DEAF1: variants seen among roughly 807,000 people sequenced by gnomAD.
DEAF1 encodes DEAF1 transcription factor.
A neutral mutation model predicts 58.9 loss-of-function variants in DEAF1; 53 were observed. The observed-to-expected ratio is 0.90, with a 90% confidence interval of 0.72 to 1.13. The LOEUF (loss-of-function observed/expected upper bound fraction) is 1.13, where lower values mean the gene tolerates loss of function less well. Ranked by LOEUF, DEAF1 falls within the 50% of genes most tolerant of loss-of-function variation. The pLI is 0.00. For synonymous variants in DEAF1, 385 were observed against 340.4 expected (o/e 1.13, Z -1.44); for missense variants, 685 against 791.4 (o/e 0.87, Z 1.61).
intron 10 of DEAF1, among the ~76,000 whole-genome samples, chr11:657,631 CCT>C (rs1385605283): frequency 6.6e-6 from 1 of 152,200 alleles, no homozygotes; most frequent in African/African-American, 2.4e-5. Flanking sequence ...CCTACAGACA[CCT>C]GACTCTGGTG....
At chr11:701,522 T>C (rs1861478260) in intron 1 of DEAF1, among the ~76,000 whole-genome samples, 1 of 150,610 alleles carries the variant, frequency 6.6e-6, no homozygotes, top group Non-Finnish European at 1.5e-5. Flanking sequence ...GCCAGTCTCC[T>C]GTCTCAGCCT....
At chr11:680,852 G>A (rs949724115) in intron 7 of DEAF1, 111 bp downstream of exon 7, 29 of 1,494,586 alleles carry the variant, frequency 1.9e-5, no homozygotes, top group African/African-American at 1.4e-4. Flanking sequence ...CTCTGGCCAC[G>A]CAATGTGCTT....
At position 694,815 on chromosome 11, in the gene DEAF1, A is replaced by G; in HGVS notation, c.233T>C (p.Met78Thr). The stretch of plus-strand genomic sequence containing the variant: ...GGGGCCGGGCAGGGCCTCGGCGCCC[A>G]TGTCCATGTGCCCGGGCTCCGCCGC... ...VMAAEPGHMDMGAEALPGPDE... is the reference protein window; with the variant it reads ...VMAAEPGHMDTGAEALPGPDE... Residue 78 changes from methionine to threonine, a missense_variant, in exon 1 of 12, where the codon ATG becomes ACG. Met to Thr is a moderately conservative substitution (Grantham distance 81, BLOSUM62 -1). Transcript: ENST00000382409. 7.0e-7 allele frequency: 1 copy of G among 1,437,292 alleles called. No homozygotes were observed. The highest frequency in any genetic ancestry group is 9.1e-7 in the Non-Finnish European group (1 of 1,097,560). 89.0% of individuals were successfully genotyped at this position (1,437,292 alleles called of 1,614,324 possible). A position where few individuals can be genotyped will look rare whatever the true frequency, so the allele number is the denominator to read the frequency against.
intron 10 of DEAF1, among the ~76,000 whole-genome samples, chr11:657,552 C>G (rs72844739): frequency 0.089 from 13,529 of 152,242 alleles, 818 homozygotes; most frequent in South Asian, 0.18. Flanking sequence ...GAGAAGCCCC[C>G]CCACGGCCGT....
chr11:670,330 A>AT (rs1246563248), intron 10 of DEAF1, among the ~76,000 whole-genome samples: 5 of 151,092 alleles, frequency 3.3e-5, no homozygotes, highest in African/African-American at 7.3e-5. Flanking sequence ...AGGGTTATAG[A>AT]TTTTTTTGCC....
At chr11:658,692 C>T (rs1013534386) in intron 10 of DEAF1, among the ~76,000 whole-genome samples, 2 of 152,266 alleles carry the variant, frequency 1.3e-5, no homozygotes, top group African/African-American at 2.4e-5. Flanking sequence ...CGCAGGCGGG[C>T]AGAGGAGGAG....
chr11:677,126 C>CT (rs557272383), intron 9 of DEAF1, among the ~76,000 whole-genome samples: 20,899 of 145,846 alleles, frequency 0.14, 1,906 homozygotes, highest in Non-Finnish European at 0.22. Context: ...CCACCCCACA[C>CT]TTTTTTTTTT....
chr11:695,111 C>T lies in DEAF1; in HGVS notation c.-64G>A. On this transcript the variant is annotated 5_prime_UTR_variant, in exon 1 of 12. Coordinates refer to ENST00000382409, the MANE Select transcript of DEAF1 (RefSeq NM_021008.4). ...ACCGCCCGAAGCGCCGGTCGCGGAG[C>T]CCGAAGCGGGGCCCGAAGAGGACGC... 7.3e-7 allele frequency: 1 copy of T among 1,369,968 alleles called. No individual in the cohort carries two copies. Among genetic ancestry groups the T allele is most frequent in the Non-Finnish European group, 9.5e-7 (1 of 1,057,838 alleles). 84.9% of individuals were successfully genotyped at this position (1,369,968 alleles called of 1,614,324 possible).
At chr11:670,157 C>T (rs1859747662) in intron 10 of DEAF1, among the ~76,000 whole-genome samples, 1 of 151,670 alleles carries the variant, frequency 6.6e-6, no homozygotes, top group Non-Finnish European at 1.5e-5. Flanking sequence ...GGTGCTTCTG[C>T]AGGGATTGAA....
chr11:704,259 C>T, intron 1 of DEAF1: 1 of 744,188 alleles, frequency 1.3e-6, no homozygotes, highest in South Asian at 1.8e-5. Flanking sequence ...CGGGCGCCTT[C>T]CGCTCGGTGG....
chr11:688,536 C>T lies in DEAF1; in HGVS notation c.388-76G>A, dbSNP rs1860693789. 1.9e-6 allele frequency: 3 copies of T among 1,586,634 alleles called. No individual in the cohort carries two copies. The highest frequency in any genetic ancestry group is 8.6e-7 in the Non-Finnish European group (1 of 1,161,396). On this transcript the variant is annotated intron_variant, in intron 2 of 11. Coordinates refer to ENST00000382409, the MANE Select transcript of DEAF1 (RefSeq NM_021008.4). This position sits in a 1 kb window ranked among gnomAD's most constrained non-coding sequence, Gnocchi z 4.3. The stretch of plus-strand genomic sequence containing the variant: ...GTGTCACTGAGCCCAGCTGGGCCGT[C>T]CTCCAGCAGGGCTCTCTGGCTGTTC...
chr11:705,229 A>C (rs1590042000), intron 1 of DEAF1: 1 of 160,676 alleles, frequency 6.2e-6, no homozygotes, highest in Admixed American at 5.7e-5. Flanking sequence ...TCCCACCCCT[A>C]CCCAGGACCG....
chr11:693,981 C>G (rs1317112457), intron 1 of DEAF1, among the ~76,000 whole-genome samples: 1 of 152,222 alleles, frequency 6.6e-6, no homozygotes, highest in East Asian at 1.9e-4. Flanking sequence ...TGGGCCACCA[C>G]ACAGCCACGC....
intron 10 of DEAF1, among the ~76,000 whole-genome samples, chr11:659,885 G>A (rs1318186106): frequency 2.0e-5 from 3 of 152,212 alleles, no homozygotes; most frequent in Non-Finnish European, 4.4e-5. Flanking sequence ...CTGAAGCCGT[G>A]AACCGGAAGC....
upstream of DEAF1, among the ~76,000 whole-genome samples, chr11:696,018 G>A (rs1213444429): frequency 6.6e-6 from 1 of 151,860 alleles, no homozygotes; most frequent in Non-Finnish European, 1.5e-5. Flanking sequence ...CCTGGCCTGG[G>A]TGGCGGGCGT....
chr11:665,576 G>A (rs1025866398), intron 10 of DEAF1, among the ~76,000 whole-genome samples: 3 of 152,102 alleles, frequency 2.0e-5, no homozygotes, highest in African/African-American at 4.8e-5. Flanking sequence ...AAGGATAAAG[G>A]GATTTCATGC....
chr11:664,117 G>A (rs1034449172), intron 10 of DEAF1, among the ~76,000 whole-genome samples: 2 of 152,070 alleles, frequency 1.3e-5, no homozygotes, highest in Non-Finnish European at 2.9e-5. Flanking sequence ...GGAGGCTGAG[G>A]CAGAAGAATC....
chr11:685,344 G>A (rs565755543), intron 5 of DEAF1, among the ~76,000 whole-genome samples: 12 of 151,872 alleles, frequency 7.9e-5, no homozygotes, highest in South Asian at 2.1e-4. Context: ...TCGGCCTCCC[G>A]AAGTGCTGGG....
intron 11 of DEAF1, among the ~76,000 whole-genome samples, chr11:652,665 G>A (rs557352279): frequency 6.6e-6 from 1 of 151,888 alleles, no homozygotes; most frequent in African/African-American, 2.4e-5. Flanking sequence ...AGGGCAGAAG[G>A]GCACACTTCC....
Sources: allele counts gnomAD v4.1 joint callset (sites outside exome capture counted in the v4.1 genomes callset), GRCh38; gene constraint gnomAD v4.1.1; non-coding constraint Gnocchi (gnomAD v3.1); transcripts MANE v1.5; gene names NCBI Gene and HGNC (gene_info 2026-07-23, HGNC 2026-07-21).